The following RGS4 variants were observed in gnomAD, a reference collection of about 807,000 sequenced individuals.
The protein encoded by RGS4 is regulator of G protein signaling 4.
A neutral mutation model predicts 21.6 loss-of-function variants in RGS4; 15 were observed. The ratio of observed to expected loss-of-function variants is 0.69; its 90% confidence interval spans 0.46 to 1.07. RGS4 has a LOEUF of 1.07. Ranked by LOEUF, RGS4 falls within the 50% of genes least tolerant of loss-of-function variation. RGS4 has a pLI of 0.00. For missense variants in RGS4, 237 were observed against 239.0 expected (o/e 0.99, Z 0.06); for synonymous variants, 94 against 85.5 (o/e 1.10, Z -0.55).
In RGS4 at chr1:163,074,494, G is replaced by A. The variant is rs940250835; in HGVS notation, c.552G>A (p.Gly184=). The A allele has an allele frequency of 6.8e-6, 11 of 1,613,898 alleles. No individual in the cohort carries two copies. Among genetic ancestry groups the A allele is most frequent in the Admixed American group, 1.7e-5 (1 of 59,980 alleles). Residue 184 remains glycine (G), a synonymous_variant, in exon 5 of 5, where the codon GGG becomes GGA. Transcript: ENST00000367909. ...YLDLVNPSSC[G]AEKQKGAKSS... ...ATTTGGTCAACCCGTCCAGCTGTGG[G>A]GCAGAAAAGCAGAAAGGAGCCAAGA...
upstream of RGS4, chr1:163,069,041 C>T (rs1301054895): frequency 6.4e-7 from 1 of 1,562,506 alleles, no homozygotes; most frequent in African/African-American, 1.4e-5. Flanking sequence ...GAAGCAACTT[C>T]CTTGATATTT....
chr1:163,068,998 C>G, upstream of RGS4: 1 of 1,601,958 alleles, frequency 6.2e-7, no homozygotes, highest in Non-Finnish European at 8.5e-7. Context: ...CCTAAGTAAG[C>G]TCCAGAATTC....
At chr1:163,069,265 A>G (rs1332665641), upstream of RGS4, 2 of 1,550,638 alleles carry the variant, frequency 1.3e-6, no homozygotes, top group Admixed American at 3.9e-5. Context: ...CTGGAGAGGC[A>G]GAGGGAGACA....
At chr1:163,070,563 G>A (rs1315420127) in intron 1 of RGS4, 2 of 152,156 alleles carry the variant, frequency 1.3e-5, no homozygotes, top group Non-Finnish European at 2.9e-5. Flanking sequence ...AAATGAAGCA[G>A]GAGGGTCTGG....
At chr1:163,072,688 T>C (rs752496890) in intron 2 of RGS4, 117 bp from the exon 3 acceptor site, 2 of 952,310 alleles carry the variant, frequency 2.1e-6, no homozygotes, top group East Asian at 2.6e-5. Context: ...ATCAATAACA[T>C]ATTTTGTCAT....
intron 3 of RGS4, 131 bp from the exon 4 acceptor site, chr1:163,073,325 A>T: frequency 1.3e-6 from 1 of 744,386 alleles, no homozygotes; most frequent in East Asian, 2.8e-5. Flanking sequence ...GGTGACTTGA[A>T]AAAAGCAGGG....
intron 1 of RGS4, among the ~76,000 whole-genome samples, chr1:163,071,217 G>A (rs1322387569): frequency 6.6e-6 from 1 of 152,102 alleles, no homozygotes; most frequent in Non-Finnish European, 1.5e-5. Context: ...ACAGTCATCA[G>A]TCAGGGAAGC....
Position 163,076,508 on chromosome 1 carries a change from GATTGT to G in RGS4, c.*1951_*1955del, listed in dbSNP as rs1290747814. On this transcript the variant is annotated 3_prime_UTR_variant, in exon 5 of 5. Transcript: ENST00000367909. Reference sequence around the variant, plus strand: ...CCTATTATAATTGTCATGACTTTCAGATTGTATCTGAACTCACAGACTGCTGTCTT... The same window carrying G: ...CCTATTATAATTGTCATGACTTTCAGATCTGAACTCACAGACTGCTGTCTT... The G allele has an allele frequency of 1.3e-5, 2 of 152,570 alleles. No individual in the cohort carries two copies. Among genetic ancestry groups the G allele is most frequent in the African/African-American group, 4.8e-5 (2 of 41,432 alleles). The allele number at this position is 152,570 out of a possible 1,614,324, so 9.5% of individuals were successfully genotyped here.
At chr1:163,072,896 A>T (rs754715985) in intron 3 of RGS4, 30 bp downstream of exon 3, 2 of 1,584,816 alleles carry the variant, frequency 1.3e-6, no homozygotes, top group East Asian at 4.5e-5. Context: ...GGGATGAGGT[A>T]CTCTGGATAA....
rs142250495 is a variant in RGS4 at position 163,074,511 on chromosome 1, G to C, written c.569G>C (p.Gly190Ala). Reference protein sequence around the residue: ...PSSCGAEKQKGAKSSADCASL... With the variant: ...PSSCGAEKQKAAKSSADCASL... Reference sequence around the variant, plus strand: ...AGCTGTGGGGCAGAAAAGCAGAAAGGAGCCAAGAGTTCAGCAGACTGTGCT... The same window carrying C: ...AGCTGTGGGGCAGAAAAGCAGAAAGCAGCCAAGAGTTCAGCAGACTGTGCT... The change falls in exon 5 of 5, where the codon GGA becomes GCA. Residue 190 changes from glycine (G) to alanine (A), a missense_variant. Physicochemically the swap from Gly to Ala is moderately conservative, Grantham distance 60. Transcript: ENST00000367909. 11 of 1,613,788 alleles carry C rather than the reference G, an allele frequency of 6.8e-6. No individual in the cohort carries two copies. Among genetic ancestry groups the C allele is most frequent in the African/African-American group, 2.7e-5 (2 of 74,882 alleles).
chr1:163,073,682 G>C (rs1312668725), intron 4 of RGS4, 60 bp downstream of exon 4: 2 of 1,101,274 alleles, frequency 1.8e-6, no homozygotes, highest in African/African-American at 1.6e-5. Flanking sequence ...GTGATATTTT[G>C]ATACATGCAT....
rs756393648 is a variant in RGS4 at position 163,072,466 on chromosome 1, A to C, written c.116A>C (p.His39Pro). The C allele has an allele frequency of 6.2e-7, 1 of 1,613,098 alleles. No individual in the cohort carries two copies. Among genetic ancestry groups the C allele is most frequent in the East Asian group, 2.2e-5 (1 of 44,764 alleles). Residue 39 changes from histidine to proline, a missense_variant, in exon 2 of 5, where the codon CAC (histidine) becomes CCC (proline). Physicochemically the swap from His to Pro is moderately conservative, Grantham distance 77 (BLOSUM62 -2). Coordinates refer to ENST00000367909, the MANE Select transcript of RGS4 (RefSeq NM_005613.6). Reference protein sequence around the residue: ...KSDSCEHNSSHNKKDKVVICQ... With the variant: ...KSDSCEHNSSPNKKDKVVICQ... ...GATTCCTGTGAACACAATTCTTCCCACAACAAGAAGGACAAAGTGGTTATT... is the reference window on the plus strand; with the variant it reads ...GATTCCTGTGAACACAATTCTTCCCCCAACAAGAAGGACAAAGTGGTTATT...
At chr1:163,071,268 T>C (rs929581052) in intron 1 of RGS4, among the ~76,000 whole-genome samples, 82 of 152,228 alleles carry the variant, frequency 5.4e-4, no homozygotes, top group African/African-American at 1.9e-3. Flanking sequence ...GAAAATACTA[T>C]TTAAGGGACA....
chr1:163,069,148 A>C, upstream of RGS4: 1 of 1,497,254 alleles, frequency 6.7e-7, no homozygotes, highest in East Asian at 2.5e-5. Context: ...TGGTGGAGAC[A>C]TTGAGTACAT....
intron 1 of RGS4, 100 bp downstream of exon 1, chr1:163,069,628 A>T (rs1655239646): frequency 2.0e-6 from 2 of 999,686 alleles, no homozygotes; most frequent in Non-Finnish European, 1.5e-6. Flanking sequence ...GCAATTAGAA[A>T]CAGTGTGGTC....
chr1:163,074,381 A>G lies in RGS4; in HGVS notation c.439A>G (p.Thr147Ala). The G allele has an allele frequency of 1.9e-6, 3 of 1,613,820 alleles. No homozygotes were observed. The highest frequency in any genetic ancestry group is 2.5e-6 in the Non-Finnish European group (3 of 1,179,832). ...CCGGAACATGCTAGAGCCTACAATA[A>G]CCTGCTTTGATGAGGCCCAGAAGAA... The part of the protein sequence containing the change: ...TSRNMLEPTI[T>A]CFDEAQKKIF... Residue 147 changes from threonine (T) to alanine (A), a missense_variant, in exon 5 of 5, where the codon ACC becomes GCC. Thr to Ala is a moderately conservative substitution (Grantham distance 58). Transcript: ENST00000367909.
At position 163,073,503 on chromosome 1, in the gene RGS4, G is replaced by A; in HGVS notation, c.259G>A (p.Glu87Lys). The A allele has an allele frequency of 6.2e-7, 1 of 1,605,890 alleles. No homozygotes were observed. The highest frequency in any genetic ancestry group is 1.1e-5 in the South Asian group (1 of 89,198). The change falls in exon 4 of 5, where the codon GAG becomes AAG. Residue 87 changes from glutamate to lysine, a missense_variant. Transcript: ENST00000367909. ...TTTCTTGAAGTCTGAATATAGTGAGGAGAATATTGACTTCTGGATCAGCTG... is the reference window on the plus strand; with the variant it reads ...TTTCTTGAAGTCTGAATATAGTGAGAAGAATATTGACTTCTGGATCAGCTG... ...KAFLKSEYSE[E>K]NIDFWISCEE... is the part of the protein sequence containing the mutation.
intron 1 of RGS4, chr1:163,070,544 G>A (rs896709028): frequency 3.3e-5 from 5 of 152,062 alleles, no homozygotes; most frequent in Admixed American, 1.3e-4. Context: ...AGTATCGATG[G>A]CTTCTTTAAA....
chr1:163,071,572 G>A, intron 1 of RGS4, among the ~76,000 whole-genome samples: 1 of 150,748 alleles, frequency 6.6e-6, no homozygotes, highest in Non-Finnish European at 1.5e-5. Context: ...AATGTGCCCT[G>A]GCTACCTATT....
Sources: gnomAD v4.1 joint callset for allele counts (sites outside exome capture counted in the v4.1 genomes callset) on GRCh38, gnomAD v4.1.1 for gene constraint, MANE v1.5 for transcripts, NCBI Gene and HGNC (gene_info 2026-07-23, HGNC 2026-07-21) for gene names.